The following DYSF variants were observed in gnomAD, a reference collection of about 807,000 sequenced individuals.
The protein encoded by DYSF is dystrophy-associated fer-1-like 1.
A neutral mutation model predicts 274.9 loss-of-function variants in DYSF; 212 were observed. The ratio of observed to expected loss-of-function variants is 0.77; its 90% CI spans 0.69 to 0.86. The LOEUF is 0.86. Among genes scored for constraint, DYSF ranks in the 40% least tolerant of loss-of-function variants. The probability of loss-of-function intolerance (pLI) is 0.00; values close to 1 mark genes in which losing one functional copy is unlikely to be tolerated. For synonymous variants in DYSF, 1,091 were observed against 1,078.7 expected (o/e 1.01, Z -0.22); for missense variants, 2,666 against 2,783.2 (o/e 0.96, Z 0.95).
rs2091142154 is a variant in DYSF, at chr2:71,553,831, G to A, written c.2009G>A (p.Trp670Ter). 2 of 1,532,152 alleles carry A rather than the reference G, an allele frequency of 1.3e-6. No homozygotes were observed. The highest frequency in any genetic ancestry group is 2.7e-5 in the East Asian group (1 of 37,636). The allele number at this position is 1,532,152 out of a possible 1,614,324, so 94.9% of individuals were successfully genotyped here. ...FDGCHYYYLP[W>*]GNVKPVVVLS... ...GGGTGCCACTACTACTACCTACCCT[G>A]GGGTAACGTGAAACCTGTGGTGGTG... The change falls in exon 21 of 56, where the codon TGG becomes TAG. Residue 670 changes from tryptophan (W) to a stop codon, truncating the protein, a stop_gained. Coordinates refer to ENST00000410020, the MANE Select transcript of DYSF (RefSeq NM_001130987.2). LOFTEE classifies it high-confidence loss of function.
At chr2:71,679,818 AC>A (rs1421111493) in intron 53 of DYSF, among the ~76,000 whole-genome samples, 1 of 152,168 alleles carries the variant, frequency 6.6e-6, no homozygotes, top group Non-Finnish European at 1.5e-5. Flanking sequence ...AAATACTAGT[AC>A]CCCAAAGGAA....
Position 71,621,003 on chromosome 2 carries a change from T to A in DYSF, c.4527+394T>A, listed in dbSNP as rs117089410. Among the ~76,000 whole-genome samples, 427 of 152,060 alleles carry A rather than the reference T, an allele frequency of 2.8e-3. 26 individuals carry two copies. In the East Asian group the frequency reaches 0.071, roughly 25 times the overall value. On this transcript the variant is annotated intron_variant, in intron 41 of 55. Transcript: ENST00000410020. ...GCTGACTTTCTGTGCTCCTCCCTGA[T>A]GTGTGAAGGATGTGTGTGACTGAGG...
At chr2:71,574,982 C>T (rs1271064964) in intron 30 of DYSF, among the ~76,000 whole-genome samples, 1 of 152,204 alleles carries the variant, frequency 6.6e-6, no homozygotes, top group Non-Finnish European at 1.5e-5. Context: ...TCGGTACTGG[C>T]ACACAGCCAG....
chr2:71,538,620 G>A (rs80216336), intron 16 of DYSF, among the ~76,000 whole-genome samples: 19,264 of 152,218 alleles, frequency 0.13, 1,379 homozygotes, highest in African/African-American at 0.18. Context: ...TGTGATAAAG[G>A]CTAAAAGTGC....
upstream of DYSF, among the ~76,000 whole-genome samples, chr2:71,463,902 G>C (rs1401577780): frequency 6.6e-6 from 1 of 151,492 alleles, no homozygotes; most frequent in Admixed American, 6.6e-5. Flanking sequence ...AGAAGGGAAG[G>C]GGGTCTGGAT....
intron 44 of DYSF, among the ~76,000 whole-genome samples, chr2:71,659,544 T>G (rs1360260942): frequency 1.3e-5 from 2 of 152,240 alleles, no homozygotes; most frequent in African/African-American, 4.8e-5. Flanking sequence ...CTGGTAACAC[T>G]CACCCGGTCT....
At position 71,503,204 on chromosome 2, in the gene DYSF, C is replaced by T; in HGVS notation, c.240-10C>T. Reference sequence around the variant, plus strand: ...CTAGTTTTCTACATTTGACTTCTCTCTCCTCTCAGGTTCCTGGGGGAAGCC... The same window carrying T: ...CTAGTTTTCTACATTTGACTTCTCTTTCCTCTCAGGTTCCTGGGGGAAGCC... On this transcript the variant is annotated splice_polypyrimidine_tract_variant and intron_variant, in intron 3 of 55. Coordinates refer to ENST00000410020, the MANE Select transcript of DYSF (RefSeq NM_001130987.2). The T allele has an allele frequency of 2.5e-6, 4 of 1,613,570 alleles. No individual in the cohort carries two copies. The South Asian group carries it at 3.3e-5, about 13-fold the overall frequency.
chr2:71,641,612 CT>C (rs2094487690), intron 41 of DYSF, among the ~76,000 whole-genome samples: 3 of 151,752 alleles, frequency 2.0e-5, no homozygotes, highest in Non-Finnish European at 4.4e-5. Flanking sequence ...ATTTTCATTC[CT>C]TTTGTATAAA....
chr2:71,614,215 C>T (rs2093832631), intron 40 of DYSF, among the ~76,000 whole-genome samples: 2 of 152,194 alleles, frequency 1.3e-5, no homozygotes, highest in Non-Finnish European at 2.9e-5. Flanking sequence ...CTTGAACTCA[C>T]CATCTGTTCC....
chr2:71,485,198 C>A (rs1412764326), intron 3 of DYSF, among the ~76,000 whole-genome samples: 1 of 152,230 alleles, frequency 6.6e-6, no homozygotes, highest in Non-Finnish European at 1.5e-5. Flanking sequence ...CACGTACATT[C>A]ATAAATACTT....
intron 19 of DYSF, 71 bp downstream of exon 19, chr2:71,551,791 T>A: frequency 7.8e-7 from 1 of 1,286,426 alleles, no homozygotes; most frequent in Non-Finnish European, 1.1e-6. Context: ...GGGACTGGCC[T>A]TGAGGTGTCA....
intron 14 of DYSF, 119 bp downstream of exon 14, chr2:71,528,520 A>ATCAGCCACTCCTT: frequency 1.2e-6 from 1 of 859,556 alleles, no homozygotes; most frequent in Non-Finnish European, 1.9e-6. Flanking sequence ...GTGCACAAGG[A>ATCAGCCACTCCTT]GTGGCTGATC....
At chr2:71,611,081 T>C (rs1421104464) in intron 36 of DYSF, among the ~76,000 whole-genome samples, 164 bp from the exon 37 acceptor site, 2 of 152,172 alleles carry the variant, frequency 1.3e-5, no homozygotes, top group Non-Finnish European at 2.9e-5. Context: ...CGAAACTGAC[T>C]TAGCTTTTTC....
intron 3 of DYSF, among the ~76,000 whole-genome samples, chr2:71,495,201 C>T (rs890277161): frequency 3.3e-5 from 5 of 152,124 alleles, no homozygotes; most frequent in Admixed American, 1.3e-4. Context: ...CATCAGTATC[C>T]CCAGTACCTA....
At chr2:71,653,188 A>G (rs534513666) in intron 42 of DYSF, among the ~76,000 whole-genome samples, 1 of 152,350 alleles carries the variant, frequency 6.6e-6, no homozygotes, top group Non-Finnish European at 1.5e-5. Flanking sequence ...GTGGAGAAAT[A>G]GGAACACTTT....
intron 42 of DYSF, among the ~76,000 whole-genome samples, chr2:71,654,374 C>T (rs2094726481): frequency 6.6e-6 from 1 of 152,160 alleles, no homozygotes; most frequent in African/African-American, 2.4e-5. Flanking sequence ...TGTGCATACT[C>T]CTTGTCCAGG....
intron 1 of DYSF, among the ~76,000 whole-genome samples, chr2:71,474,780 T>A (rs1342212231): frequency 6.6e-6 from 1 of 152,178 alleles, no homozygotes; most frequent in Non-Finnish European, 1.5e-5. Context: ...TGGAAAATGA[T>A]TAAAAGATAT....
At chr2:71,474,991 G>A (rs141777498) in intron 1 of DYSF, among the ~76,000 whole-genome samples, 99 of 152,268 alleles carry the variant, frequency 6.5e-4, no homozygotes, top group African/African-American at 2.3e-3. Flanking sequence ...AGAACCCTGT[G>A]CAGCAGACAC....
At chr2:71,561,644 G>A in intron 22 of DYSF, 108 bp from the exon 23 acceptor site, 11 of 1,348,168 alleles carry the variant, frequency 8.2e-6, no homozygotes, top group Non-Finnish European at 1.2e-5. Flanking sequence ...CACCCAGCAG[G>A]CAGGCGGAGG....
Sources: allele counts gnomAD v4.1 joint callset (sites outside exome capture counted in the v4.1 genomes callset), GRCh38; gene constraint gnomAD v4.1.1; transcripts MANE v1.5; gene names NCBI Gene and HGNC (gene_info 2026-07-23, HGNC 2026-07-21).